MRPL1: variants seen among roughly 807,000 people sequenced by gnomAD.
The protein encoded by MRPL1 is mitochondrial ribosomal protein L1.
In MRPL1, 28 loss-of-function variants were observed where a neutral mutation model predicts 38.0. The ratio of observed to expected loss-of-function variants is 0.74; its 90% CI spans 0.55 to 1.01. The LOEUF (loss-of-function observed/expected upper bound fraction) is 1.01. Ranked by LOEUF, MRPL1 falls within the 50% of genes least tolerant of loss-of-function variation. The pLI, the probability that MRPL1 is intolerant of heterozygous loss-of-function variation, is 0.00. For synonymous variants in MRPL1, 123 were observed against 126.7 expected, an observed-to-expected ratio of 0.97 and a Z score of 0.20; for missense variants, 358 against 389.8, an observed-to-expected ratio of 0.92 and a Z score of 0.69.
chr4:77,906,895 T>C, intron 6 of MRPL1: 1 of 861,990 alleles, frequency 1.2e-6, no homozygotes, highest in Non-Finnish European at 1.4e-6. Flanking sequence ...CTGAAAAAAC[T>C]TAGTATTTTT....
At chr4:77,879,309 A>G (rs898288787) in intron 2 of MRPL1, among the ~76,000 whole-genome samples, 2 of 152,132 alleles carry the variant, frequency 1.3e-5, no homozygotes, top group African/African-American at 4.8e-5. Flanking sequence ...TTAAGAATGC[A>G]TTTTCCTGAG....
chr4:77,873,964 G>A, intron 2 of MRPL1, among the ~76,000 whole-genome samples: 1 of 151,518 alleles, frequency 6.6e-6, no homozygotes, highest in Non-Finnish European at 1.5e-5. Context: ...TTACATAAAT[G>A]GTAGTGTACT....
chr4:77,913,622 C>T (rs1300446601), intron 7 of MRPL1, among the ~76,000 whole-genome samples: 2 of 152,142 alleles, frequency 1.3e-5, no homozygotes, highest in African/African-American at 4.8e-5. Context: ...ACTATATGAT[C>T]CTGCTATTCC....
At chr4:77,936,977 T>A (rs566357765) in intron 7 of MRPL1, among the ~76,000 whole-genome samples, 2 of 152,154 alleles carry the variant, frequency 1.3e-5, no homozygotes, top group South Asian at 4.2e-4. Flanking sequence ...TTTTAAAAAT[T>A]AGCCCAGCGT....
At chr4:77,914,727 G>T (rs73827455) in intron 7 of MRPL1, among the ~76,000 whole-genome samples, 40 of 152,014 alleles carry the variant, frequency 2.6e-4, no homozygotes, top group African/African-American at 6.5e-4. Flanking sequence ...GTGTGTGTGT[G>T]TGTCTGTAGC....
At chr4:77,940,658 T>A (rs898353209) in intron 7 of MRPL1, among the ~76,000 whole-genome samples, 3 of 152,206 alleles carry the variant, frequency 2.0e-5, no homozygotes, top group Non-Finnish European at 4.4e-5. Context: ...TTTTCCCCAT[T>A]CAGTATTTTG....
At chr4:77,877,589 ATT>A (rs58774105) in intron 2 of MRPL1, among the ~76,000 whole-genome samples, 74 of 113,358 alleles carry the variant, frequency 6.5e-4, no homozygotes, top group Admixed American at 7.4e-4. Context: ...GTTGGGAGGG[ATT>A]TTTTTTTTTT....
At chr4:77,881,541 A>G (rs1308546579) in intron 2 of MRPL1, among the ~76,000 whole-genome samples, 1 of 149,960 alleles carries the variant, frequency 6.7e-6, no homozygotes, top group African/African-American at 2.5e-5. Context: ...TCCTGAGCTC[A>G]GGTGATCCTT....
intron 7 of MRPL1, among the ~76,000 whole-genome samples, chr4:77,923,472 T>C (rs188630772): frequency 6.6e-6 from 1 of 152,314 alleles, no homozygotes; most frequent in East Asian, 1.9e-4. Context: ...GAGATAATTA[T>C]TTTCTATAAT....
intron 7 of MRPL1, among the ~76,000 whole-genome samples, chr4:77,945,253 A>AT (rs1273226672): frequency 6.6e-6 from 1 of 151,650 alleles, no homozygotes; most frequent in African/African-American, 2.4e-5. Context: ...AGTCATGGAA[A>AT]TTAAGAGTTT....
intron 6 of MRPL1, among the ~76,000 whole-genome samples, chr4:77,900,462 A>G (rs1173049024): frequency 6.6e-6 from 1 of 152,214 alleles, no homozygotes; most frequent in Non-Finnish European, 1.5e-5. Flanking sequence ...GAGATTATAT[A>G]AAGAAGACTG....
chr4:77,918,643 T>C (rs561321453), intron 7 of MRPL1, among the ~76,000 whole-genome samples: 68 of 152,306 alleles, frequency 4.5e-4, no homozygotes, highest in Admixed American at 9.8e-4. Context: ...TGTGATCATA[T>C]ACCTGGCTAA....
At chr4:77,921,137 A>G (rs1736562584) in intron 7 of MRPL1, among the ~76,000 whole-genome samples, 1 of 152,172 alleles carries the variant, frequency 6.6e-6, no homozygotes, top group South Asian at 2.1e-4. Context: ...GTGGTTCTAC[A>G]TGTGCTGGCA....
At position 77,862,880 on chromosome 4, in the gene MRPL1, G is replaced by A. The variant is rs1339185262; in HGVS notation, c.31+1G>A. On this transcript the variant is annotated splice_donor_variant, in intron 1 of 8. Coordinates refer to ENST00000315567, the MANE Select transcript of MRPL1 (RefSeq NM_020236.4). LOFTEE classifies it high-confidence loss of function. Reference sequence around the variant, plus strand: ...GCGGCCGTAAGGTGCATGGGTAGAGGTAAGGCGAGGGGTTGTCTTGCAGGG... The same window carrying A: ...GCGGCCGTAAGGTGCATGGGTAGAGATAAGGCGAGGGGTTGTCTTGCAGGG... 1.2e-6 allele frequency: 2 copies of A among 1,614,208 alleles called. No individual in the cohort carries two copies.
chr4:77,891,748 C>T (rs1735811971), intron 5 of MRPL1, among the ~76,000 whole-genome samples: 1 of 152,000 alleles, frequency 6.6e-6, no homozygotes. Context: ...TGTTATGAAG[C>T]TGTAAGTTCA....
intron 2 of MRPL1, among the ~76,000 whole-genome samples, chr4:77,873,970 G>T (rs1269669493): frequency 1.3e-5 from 2 of 150,132 alleles, no homozygotes; most frequent in African/African-American, 4.9e-5. Flanking sequence ...AAATGGTAGT[G>T]TACTATGTAC....
At chr4:77,881,307 C>T (rs1735534844) in intron 2 of MRPL1, among the ~76,000 whole-genome samples, 4 of 152,152 alleles carry the variant, frequency 2.6e-5, no homozygotes. Flanking sequence ...GACTGCCTCC[C>T]TCACCAGAAA....
chr4:77,878,445 A>G (rs1010450008), intron 2 of MRPL1, among the ~76,000 whole-genome samples: 5 of 152,084 alleles, frequency 3.3e-5, no homozygotes, highest in South Asian at 2.1e-4. Context: ...TTTTAGTTTT[A>G]CAGAGGTTGT....
At chr4:77,887,315 T>G in intron 5 of MRPL1, 24 bp downstream of exon 5, 1 of 1,553,400 alleles carries the variant, frequency 6.4e-7, no homozygotes, top group Non-Finnish European at 8.9e-7. Context: ...TTCATGTTCA[T>G]TAAGTATAGA....
Sources: allele counts gnomAD v4.1 joint callset (sites outside exome capture counted in the v4.1 genomes callset), GRCh38; gene constraint gnomAD v4.1.1; transcripts MANE v1.5; gene names NCBI Gene and HGNC (gene_info 2026-07-23, HGNC 2026-07-21).